Variants in LRRC3B observed in about 807,000 individuals in gnomAD.
LRRC3B encodes the protein leucine rich repeat containing 3B.
Under a neutral mutation model 12.8 loss-of-function variants are expected in LRRC3B, and 2 were observed. The ratio of observed to expected loss-of-function variants is 0.16; its 90% CI spans 0.06 to 0.49. The LOEUF (loss-of-function observed/expected upper bound fraction) is 0.49. LRRC3B is among the 20% of genes least tolerant of loss of function. The probability of loss-of-function intolerance (pLI) is 0.96; values close to 1 mark genes in which losing one functional copy is unlikely to be tolerated. For synonymous variants in LRRC3B, 132 were observed against 122.0 expected (o/e 1.08, Z -0.54); for missense variants, 189 against 319.4 (o/e 0.59, Z 3.11).
chr3:26,634,740 G>A (rs555597513), intron 1 of LRRC3B, among the ~76,000 whole-genome samples: 3 of 152,288 alleles, frequency 2.0e-5, no homozygotes, highest in African/African-American at 7.2e-5. Flanking sequence ...TGATCATAAA[G>A]GCTTTTAAGG....
chr3:26,659,463 A>G (rs551896272), intron 1 of LRRC3B, among the ~76,000 whole-genome samples: 4 of 152,352 alleles, frequency 2.6e-5, no homozygotes, highest in African/African-American at 9.6e-5. Context: ...GAAAGTTTAA[A>G]TAAGATAATA....
At chr3:26,708,343 A>G (rs1700656441) in intron 1 of LRRC3B, among the ~76,000 whole-genome samples, 2 of 152,240 alleles carry the variant, frequency 1.3e-5, no homozygotes, top group Non-Finnish European at 2.9e-5. Context: ...GGGCTGCAAC[A>G]TAACAGCATC....
At chr3:26,629,971 CAAAAA>C (rs35195778) in intron 1 of LRRC3B, among the ~76,000 whole-genome samples, 4 of 93,392 alleles carry the variant, frequency 4.3e-5, no homozygotes, top group African/African-American at 1.1e-4. Flanking sequence ...AGAAGCATGG[CAAAAA>C]AAAAAAAAAA....
At chr3:26,680,774 C>G (rs558129913) in intron 1 of LRRC3B, among the ~76,000 whole-genome samples, 2 of 152,350 alleles carry the variant, frequency 1.3e-5, no homozygotes, top group Non-Finnish European at 2.9e-5. Flanking sequence ...AACTTTGTTT[C>G]ATTGTGACCA....
At chr3:26,626,719 A>C (rs1301422366) in intron 1 of LRRC3B, among the ~76,000 whole-genome samples, 2 of 152,224 alleles carry the variant, frequency 1.3e-5, no homozygotes, top group African/African-American at 4.8e-5. Flanking sequence ...TATATAATGA[A>C]TAAGCTACCA....
rs1292596899 is a variant in LRRC3B, at chr3:26,671,411, G to GAC, written c.-160-38101_-160-38100insCA. Reference sequence around the variant, plus strand: ...AGAGAGAGAGAGAGAGAGAGAGAGAGAGACGAAGTCTTGCTCTGTCGCCAG... The same window carrying GAC: ...AGAGAGAGAGAGAGAGAGAGAGAGAGACAGACGAAGTCTTGCTCTGTCGCCAG... On this transcript the variant is annotated intron_variant, in intron 1 of 1. Coordinates refer to ENST00000396641, the Ensembl canonical transcript of LRRC3B. Among the ~76,000 whole-genome samples, 10 of 132,856 alleles carry GAC rather than the reference G, an allele frequency of 7.5e-5. 1 individual carries two copies. Among genetic ancestry groups the GAC allele is most frequent in the Non-Finnish European group, 1.5e-4 (9 of 61,414 alleles). 87.2% of individuals were successfully genotyped at this position (132,856 alleles called of 152,430 possible). A position where few individuals can be genotyped will look rare whatever the true frequency, so the allele number is the denominator to read the frequency against.
chr3:26,710,347 G>T (rs371763806), exon 2 of LRRC3B: 261 of 1,613,920 alleles, frequency 1.6e-4, no homozygotes, highest in Non-Finnish European at 2.2e-4. Flanking sequence ...TATATTATGT[G>T]AGGCAAAATC....
intron 1 of LRRC3B, among the ~76,000 whole-genome samples, chr3:26,683,614 GGGTGGAACCATACATGCATAA>G (rs1299142769): frequency 1.3e-5 from 2 of 152,182 alleles, no homozygotes; most frequent in Non-Finnish European, 2.9e-5. Flanking sequence ...GGCTGTGGCT[GGGTGGAACCATACATGCATAA>G]GGTTGCACCC....
intron 1 of LRRC3B, among the ~76,000 whole-genome samples, chr3:26,652,410 G>T (rs1446005033): frequency 1.3e-5 from 2 of 152,192 alleles, no homozygotes; most frequent in Non-Finnish European, 2.9e-5. Flanking sequence ...TCACTGCACA[G>T]CTGTGAAGTG....
At chr3:26,658,585 C>G (rs1284054242) in intron 1 of LRRC3B, among the ~76,000 whole-genome samples, 1 of 152,148 alleles carries the variant, frequency 6.6e-6, no homozygotes, top group African/African-American at 2.4e-5. Flanking sequence ...GAGACAGGTC[C>G]TGTTCTTATC....
intron 1 of LRRC3B, among the ~76,000 whole-genome samples, chr3:26,671,373 T>TATAGAGAGAGAGAGAGAG (rs1261897533): frequency 2.1e-3 from 59 of 28,254 alleles, no homozygotes; most frequent in Admixed American, 2.8e-3. Context: ...TATATATATA[T>TATAGAGAGAGAGAGAGAG]AGAGAGAGAG....
intron 1 of LRRC3B, among the ~76,000 whole-genome samples, chr3:26,636,902 C>A (rs990544519): frequency 2.2e-5 from 2 of 92,626 alleles, no homozygotes; most frequent in African/African-American, 5.3e-5. Flanking sequence ...CTCTCTCTCT[C>A]TTTCTCTCTT....
intron 1 of LRRC3B, among the ~76,000 whole-genome samples, chr3:26,698,169 T>C (rs1387596315): frequency 6.6e-6 from 1 of 152,228 alleles, no homozygotes; most frequent in Non-Finnish European, 1.5e-5. Context: ...GTAGTAGCAG[T>C]AACTCTGACT....
intron 1 of LRRC3B, among the ~76,000 whole-genome samples, chr3:26,632,104 G>A (rs1698769342): frequency 6.6e-6 from 1 of 152,178 alleles, no homozygotes; most frequent in African/African-American, 2.4e-5. Flanking sequence ...AAAGGATGAG[G>A]GGGAGTGACA....
intron 1 of LRRC3B, among the ~76,000 whole-genome samples, chr3:26,685,492 T>A (rs1285486328): frequency 2.6e-5 from 1 of 38,844 alleles, no homozygotes; most frequent in Non-Finnish European, 4.6e-5. Flanking sequence ...TCTCCCTCTC[T>A]CTCTCTCTCT....
At chr3:26,696,350 G>A (rs565523432) in intron 1 of LRRC3B, among the ~76,000 whole-genome samples, 3 of 151,994 alleles carry the variant, frequency 2.0e-5, no homozygotes, top group African/African-American at 4.8e-5. Flanking sequence ...GTTTTTTAGC[G>A]CTATTTGTAA....
chr3:26,639,409 A>T lies in LRRC3B; in HGVS notation c.-161+16172A>T, dbSNP rs538674349. On this transcript the variant is annotated intron_variant, in intron 1 of 1. Transcript: ENST00000396641. ...TAGAGTTGATAAAATTTACAGTTGA[A>T]AAAAACAGGTTCATATGTCTAAATT... 2.6e-5 allele frequency among the ~76,000 whole-genome samples: 4 copies of T among 152,236 alleles called. No homozygotes were observed. In the East Asian group the frequency reaches 7.7e-4, roughly 29 times the overall value.
At chr3:26,624,451 A>C (rs1698575709) in intron 1 of LRRC3B, 1 of 152,560 alleles carries the variant, frequency 6.6e-6, no homozygotes, top group Non-Finnish European at 1.5e-5. Context: ...CCTGCCTCCC[A>C]GGGGGAGACG....
At chr3:26,678,674 A>T in intron 1 of LRRC3B, among the ~76,000 whole-genome samples, 1 of 152,172 alleles carries the variant, frequency 6.6e-6, no homozygotes, top group East Asian at 1.9e-4. Flanking sequence ...AAGGATTGGA[A>T]AAGCACCACA....
Sources: gnomAD v4.1 joint callset for allele counts (sites outside exome capture counted in the v4.1 genomes callset) on GRCh38, gnomAD v4.1.1 for gene constraint, MANE v1.5 for transcripts, NCBI Gene and HGNC (gene_info 2026-07-23, HGNC 2026-07-21) for gene names.